The following DEDD2 variants were observed in gnomAD, a reference collection of about 807,000 sequenced individuals.
DEDD2 encodes death effector domain containing 2, also known as DNA-binding death effector domain-containing protein 2.
Under a neutral mutation model 28.9 loss-of-function variants are expected in DEDD2, and 18 were observed. The ratio of observed to expected loss-of-function variants is 0.62; its 90% CI spans 0.43 to 0.92. The LOEUF is 0.92. DEDD2 is among the 40% of genes least tolerant of loss of function. The pLI is 0.00. For missense variants in DEDD2, 411 were observed against 463.3 expected (o/e 0.89, Z 1.04); for synonymous variants, 211 against 206.1 (o/e 1.02, Z -0.20).
At chr19:42,206,991 T>G (rs546550855) in intron 4 of DEDD2, among the ~76,000 whole-genome samples, 2 of 152,136 alleles carry the variant, frequency 1.3e-5, no homozygotes, top group African/African-American at 4.8e-5. Flanking sequence ...AGCCAAGCCC[T>G]GGTTAACGAC....
At chr19:42,219,533 C>T (rs1166331373), upstream of DEDD2, among the ~76,000 whole-genome samples, 3 of 152,142 alleles carry the variant, frequency 2.0e-5, no homozygotes, top group Non-Finnish European at 4.4e-5. Flanking sequence ...ACCCGGGAGG[C>T]GGAGGTTGCA....
chr19:42,215,387 C>T, intron 2 of DEDD2, 135 bp from the exon 3 acceptor site: 1 of 1,125,488 alleles, frequency 8.9e-7, no homozygotes, highest in Middle Eastern at 2.3e-4. Flanking sequence ...TCTCAAACAC[C>T]TCCTGCAGAG....
chr19:42,208,355 C>T (rs2035616129), intron 4 of DEDD2, among the ~76,000 whole-genome samples: 1 of 149,474 alleles, frequency 6.7e-6, no homozygotes, highest in African/African-American at 2.4e-5. Flanking sequence ...CCCTCTCCAA[C>T]ACGACCCCCA....
Position 42,199,287 on chromosome 19 carries a change from T to C in DEDD2, c.*151A>G. 6 of 1,172,568 alleles carry C rather than the reference T, an allele frequency of 5.1e-6. No homozygotes were observed. The highest frequency in any genetic ancestry group is 3.3e-5 in the South Asian group (2 of 60,816). The allele number at this position is 1,172,568 out of a possible 1,614,324, so 72.6% of individuals were successfully genotyped here. ...TTTAGGCCTCAGAGCCCACATCCTG[T>C]GGGAGGGGCTGTCAAGGGGCCTGCT... is the stretch of plus-strand genomic sequence containing the variant. On this transcript the variant is annotated 3_prime_UTR_variant, in exon 5 of 5. Transcript: ENST00000596251. The surrounding 1 kb of genome is among the most constrained non-coding windows in gnomAD (Gnocchi z 7.4).
chr19:42,216,588 A>G (rs2035977358), intron 2 of DEDD2, 92 bp downstream of exon 2: 2 of 1,284,042 alleles, frequency 1.6e-6, no homozygotes, highest in Admixed American at 2.9e-5. Flanking sequence ...GCTGCCTGAT[A>G]TGGCACTGTC....
At chr19:42,218,809 G>A (rs1370643722), upstream of DEDD2, among the ~76,000 whole-genome samples, 2 of 152,256 alleles carry the variant, frequency 1.3e-5, no homozygotes, top group Non-Finnish European at 2.9e-5. Flanking sequence ...GAGGTGGGCG[G>A]ATCACACGAG....
chr19:42,203,639 C>A (rs2035417998), intron 4 of DEDD2, among the ~76,000 whole-genome samples: 1 of 152,170 alleles, frequency 6.6e-6, no homozygotes, highest in African/African-American at 2.4e-5. Flanking sequence ...AAGGCTCCCC[C>A]TAACATCCGC....
intron 3 of DEDD2, among the ~76,000 whole-genome samples, chr19:42,210,303 G>A (rs562848565): frequency 2.0e-5 from 3 of 152,300 alleles, no homozygotes; most frequent in African/African-American, 7.2e-5. Flanking sequence ...ATATATATCT[G>A]CAAAATGAAA....
chr19:42,214,625 T>C (rs545471877), intron 3 of DEDD2, among the ~76,000 whole-genome samples: 3 of 152,106 alleles, frequency 2.0e-5, no homozygotes, highest in Admixed American at 2.0e-4. Flanking sequence ...TAGCCAGGCA[T>C]GGTGGCATAC....
Position 42,215,124 on chromosome 19 carries a change from T to G in DEDD2, c.448+9A>C, listed in dbSNP as rs770143974. On this transcript the variant is annotated intron_variant, in intron 3 of 4. Transcript: ENST00000596251. The stretch of plus-strand genomic sequence containing the variant: ...GATGCTGCCATTACACCCACCCAGC[T>G]GGGCTCACCTGTCTCCCACTGACCC... 1 of 1,613,820 alleles carries G rather than the reference T, an allele frequency of 6.2e-7. No individual in the cohort carries two copies. The highest frequency in any genetic ancestry group is 8.5e-7 in the Non-Finnish European group (1 of 1,179,958).
At chr19:42,202,004 A>G (rs2035350433) in intron 4 of DEDD2, 5 of 398,628 alleles carry the variant, frequency 1.3e-5, no homozygotes, top group Non-Finnish European at 2.2e-5. Context: ...GGTGAGTCCC[A>G]GCTCTGCCAC....
intron 4 of DEDD2, among the ~76,000 whole-genome samples, chr19:42,200,591 C>A (rs1214693710): frequency 2.0e-5 from 3 of 152,236 alleles, no homozygotes; most frequent in African/African-American, 7.2e-5. Context: ...GAGTCAGGTA[C>A]TCTCTTGCCA....
chr19:42,210,332 G>A (rs773711646), intron 3 of DEDD2, among the ~76,000 whole-genome samples: 2 of 152,164 alleles, frequency 1.3e-5, no homozygotes, highest in Admixed American at 6.5e-5. Flanking sequence ...GCACAGACTA[G>A]AAATGAATGA....
chr19:42,206,207 T>C (rs1484355243), intron 4 of DEDD2, among the ~76,000 whole-genome samples: 1 of 151,162 alleles, frequency 6.6e-6, no homozygotes, highest in Non-Finnish European at 1.5e-5. Context: ...GGATCTGCCC[T>C]GGTTCCCTCT....
chr19:42,199,261 G>A lies in DEDD2; in HGVS notation c.*177C>T. ...TGGGAAGGAAACTCAGCTGGAAATG[G>A]TTTAGGCCTCAGAGCCCACATCCTG... is the stretch of plus-strand genomic sequence containing the variant. On this transcript the variant is annotated 3_prime_UTR_variant, in exon 5 of 5. Transcript: ENST00000596251. This position sits in a 1 kb window ranked among gnomAD's most constrained non-coding sequence, Gnocchi z 7.4. 2.0e-6 allele frequency: 2 copies of A among 982,812 alleles called. No individual in the cohort carries two copies. The highest frequency in any genetic ancestry group is 1.4e-6 in the Non-Finnish European group (1 of 690,762). The allele number at this position is 982,812 out of a possible 1,614,324, so 60.9% of individuals were successfully genotyped here. A position where few individuals can be genotyped will look rare whatever the true frequency, so the allele number is the denominator to read the frequency against.
chr19:42,210,653 C>CCA (rs1293545304), intron 3 of DEDD2, among the ~76,000 whole-genome samples: 1 of 152,128 alleles, frequency 6.6e-6, no homozygotes, highest in Non-Finnish European at 1.5e-5. Flanking sequence ...CTCGGCCTCC[C>CCA]AAAGTGCTGG....
rs1388246097 is a variant in DEDD2 at position 42,215,191 on chromosome 19, G to A, written c.390C>T (p.Cys130=). The A allele has an allele frequency of 1.2e-6, 2 of 1,613,874 alleles. No individual in the cohort carries two copies. The highest frequency in any genetic ancestry group is 1.7e-5 in the Admixed American group (1 of 59,956). The change falls in exon 3 of 5, where the codon TGC becomes TGT. Residue 130 remains cysteine (C), a synonymous_variant. Transcript: ENST00000596251. Reference sequence around the variant, plus strand: ...AACTGCTTGACTGCCGACGGCGACGGCAGCTACCCTCTGTCCTCTTTGAAG... The same window carrying A: ...AACTGCTTGACTGCCGACGGCGACGACAGCTACCCTCTGTCCTCTTTGAAG... The part of the protein sequence containing the change: ...SSSSKRTEGS[C]RRRRQSSSSA...
chr19:42,199,978 G>A lies in DEDD2; in HGVS notation c.590-149C>T, dbSNP rs1012943693. 17 of 1,252,252 alleles carry A rather than the reference G, an allele frequency of 1.4e-5. No individual in the cohort carries two copies. The highest frequency in any genetic ancestry group is 2.8e-4 in the Middle Eastern group (1 of 3,590). The allele number at this position is 1,252,252 out of a possible 1,614,324, so 77.6% of individuals were successfully genotyped here. ...GACACAGCCTCCCCGGCTCTGTGGG[G>A]TTCCCTGACCAAGTACGTCCTCCTC... On this transcript the variant is annotated intron_variant, in intron 4 of 4. Transcript: ENST00000596251. The surrounding 1 kb of genome is among the most constrained non-coding windows in gnomAD (Gnocchi z 7.4).
At position 42,199,084 on chromosome 19, in the gene DEDD2, T is replaced by G. The variant is rs566110102; in HGVS notation, c.*354A>C. The G allele has an allele frequency of 8.0e-4, 223 of 279,954 alleles. 1 individual carries two copies. Among genetic ancestry groups the G allele is most frequent in the Non-Finnish European group, 1.4e-3 (199 of 145,678 alleles). The allele number at this position is 279,954 out of a possible 1,614,324, so 17.3% of individuals were successfully genotyped here. On this transcript the variant is annotated 3_prime_UTR_variant, in exon 5 of 5. Coordinates refer to ENST00000596251, the MANE Select transcript of DEDD2 (RefSeq NM_133328.4). The surrounding 1 kb of genome is among the most constrained non-coding windows in gnomAD (Gnocchi z 7.4). ...GGCAGTGTGAGCATGAGCGAGTGTG[T>G]GCACCTGTGACAGTGCAGACAGCCC...
Sources: allele counts gnomAD v4.1 joint callset (sites outside exome capture counted in the v4.1 genomes callset), GRCh38; gene constraint gnomAD v4.1.1; non-coding constraint Gnocchi (gnomAD v3.1); transcripts MANE v1.5; gene names NCBI Gene and HGNC (gene_info 2026-07-23, HGNC 2026-07-21).